The following GPR158 variants were observed in gnomAD, a reference collection of about 807,000 sequenced individuals.
The protein encoded by GPR158 is G protein-coupled receptor 158, also known as metabotropic glycine receptor.
A neutral mutation model predicts 78.2 loss-of-function variants in GPR158; 30 were observed. The observed-to-expected ratio is 0.38, with a 90% CI of 0.29 to 0.52. The LOEUF (loss-of-function observed/expected upper bound fraction) is 0.52, where lower values mean the gene tolerates loss of function less well. Among genes scored for constraint, GPR158 ranks in the 20% least tolerant of loss-of-function variants. The probability of loss-of-function intolerance (pLI) is 0.83; values close to 1 mark genes in which losing one functional copy is unlikely to be tolerated. For synonymous variants in GPR158, 581 were observed against 591.1 expected, an observed-to-expected ratio of 0.98 and a Z score of 0.25; for missense variants, 1,463 against 1,523.5, an observed-to-expected ratio of 0.96 and a Z score of 0.66.
At chr10:25,483,604 A>T (rs192493756) in intron 5 of GPR158, among the ~76,000 whole-genome samples, 1 of 152,200 alleles carries the variant, frequency 6.6e-6, no homozygotes, top group East Asian at 1.9e-4. Flanking sequence ...CTCACCCGAG[A>T]ATTTAAATTC....
intron 2 of GPR158, among the ~76,000 whole-genome samples, chr10:25,330,172 TGTA>T (rs1003366643): frequency 2.0e-5 from 3 of 152,182 alleles, no homozygotes; most frequent in Admixed American, 6.5e-5. Context: ...TCCTGACAGA[TGTA>T]GGATTGTGTA....
At chr10:25,237,777 C>T (rs1853543561) in intron 2 of GPR158, among the ~76,000 whole-genome samples, 1 of 152,174 alleles carries the variant, frequency 6.6e-6, no homozygotes, top group Non-Finnish European at 1.5e-5. Flanking sequence ...TCTCCACAAC[C>T]AAACCACTAA....
At chr10:25,581,455 A>G (rs993056247) in intron 7 of GPR158, among the ~76,000 whole-genome samples, 11 of 152,228 alleles carry the variant, frequency 7.2e-5, no homozygotes, top group African/African-American at 2.7e-4. Flanking sequence ...CATACTTCTG[A>G]AAGCACTTGC....
In GPR158 at chr10:25,175,600, C is replaced by T. The variant is rs1325988257; in HGVS notation, c.180C>T (p.Pro60=). ...CCTCTGCCTCGGACTCCTCGGCTCC[C>T]TGGAGCCGCTCCACCGATGGCACCA... ...GRASASDSSA[P]WSRSTDGTIL... Residue 60 remains proline (P), a synonymous_variant, in exon 1 of 11, where the codon CCC becomes CCT. Transcript: ENST00000376351. This position sits in a 1 kb window ranked among gnomAD's most constrained non-coding sequence, Gnocchi z 6.4. 6.2e-7 allele frequency: 1 copy of T among 1,610,752 alleles called. No individual in the cohort carries two copies. The highest frequency in any genetic ancestry group is 1.7e-5 in the Admixed American group (1 of 60,014).
chr10:25,332,241 T>C (rs528960345), intron 2 of GPR158, among the ~76,000 whole-genome samples: 4 of 152,320 alleles, frequency 2.6e-5, no homozygotes, highest in East Asian at 1.9e-4. Flanking sequence ...CCATTGTTAG[T>C]TGGCTAGATA....
chr10:25,339,060 C>T (rs1452790165), intron 2 of GPR158, among the ~76,000 whole-genome samples: 1 of 149,976 alleles, frequency 6.7e-6, no homozygotes, highest in East Asian at 2.0e-4. Flanking sequence ...CGCTCTGTTG[C>T]CCAGAAAGCC....
chr10:25,263,950 A>G (rs1171345624), intron 2 of GPR158, among the ~76,000 whole-genome samples: 1 of 152,098 alleles, frequency 6.6e-6, no homozygotes, highest in Non-Finnish European at 1.5e-5. Context: ...AAATGAAATA[A>G]ATTTCACCTT....
At position 25,418,023 on chromosome 10, in the gene GPR158, A is replaced by G. The variant is rs577458105; in HGVS notation, c.1335+5550A>G. 8.5e-5 allele frequency among the ~76,000 whole-genome samples: 13 copies of G among 152,282 alleles called. No individual in the cohort carries two copies. In the East Asian group the frequency reaches 2.3e-3, roughly 27 times the overall value. ...TATTAGAGTAGCTCTGTGAATTGAC[A>G]AATCCAAGATAGGAAAACCAATAAC... On this transcript the variant is annotated intron_variant, in intron 4 of 10. Transcript: ENST00000376351.
chr10:25,508,424 A>G (rs942308914), intron 5 of GPR158, among the ~76,000 whole-genome samples: 7 of 152,210 alleles, frequency 4.6e-5, no homozygotes, highest in African/African-American at 1.4e-4. Context: ...AGGCAAACCT[A>G]TATGTCACAT....
At chr10:25,569,762 G>T (rs1836980225) in intron 6 of GPR158, among the ~76,000 whole-genome samples, 1 of 152,010 alleles carries the variant, frequency 6.6e-6, no homozygotes, top group Non-Finnish European at 1.5e-5. Flanking sequence ...TGTTCTATTG[G>T]GTTAGTAGAT....
In GPR158 at chr10:25,594,414, AC is replaced by A; in HGVS notation, c.1998+18del. ...ATTCCAAAGGTATTCTTCTAATATTACTTTTTTTTTTGCAAAACTTATTTTT... is the reference window on the plus strand; with the variant it reads ...ATTCCAAAGGTATTCTTCTAATATTATTTTTTTTTTGCAAAACTTATTTTT... On this transcript the variant is annotated intron_variant, in intron 9 of 10. Transcript: ENST00000376351. 8.3e-7 allele frequency: 1 copy of A among 1,211,444 alleles called. No individual in the cohort carries two copies. Among genetic ancestry groups the A allele is most frequent in the Non-Finnish European group, 1.2e-6 (1 of 845,510 alleles). The allele number at this position is 1,211,444 out of a possible 1,614,324, so 75.0% of individuals were successfully genotyped here. A position where few individuals can be genotyped will look rare whatever the true frequency, so the allele number is the denominator to read the frequency against.
In GPR158 at chr10:25,398,047, C is replaced by T. The variant is rs186539288; in HGVS notation, c.1111+2034C>T. Reference sequence around the variant, plus strand: ...ATAGCCCATGAGAAAACAGGGACTTCGACTACTACAATTGCAGGGAAGTAA... The same window carrying T: ...ATAGCCCATGAGAAAACAGGGACTTTGACTACTACAATTGCAGGGAAGTAA... On this transcript the variant is annotated intron_variant, in intron 3 of 10. Coordinates refer to ENST00000376351, the MANE Select transcript of GPR158 (RefSeq NM_020752.3). 8.5e-5 allele frequency among the ~76,000 whole-genome samples: 13 copies of T among 152,194 alleles called. No homozygotes were observed. The East Asian group carries it at 2.3e-3, about 27-fold the overall frequency.
intron 2 of GPR158, among the ~76,000 whole-genome samples, chr10:25,365,147 T>C (rs1204278969): frequency 6.6e-6 from 1 of 151,804 alleles, no homozygotes; most frequent in East Asian, 1.9e-4. Context: ...CCTGTAAATC[T>C]TTCTGGAATA....
chr10:25,273,638 T>C (rs149505879), intron 2 of GPR158, among the ~76,000 whole-genome samples: 5 of 152,188 alleles, frequency 3.3e-5, no homozygotes, highest in African/African-American at 1.2e-4. Context: ...CACTCTACCT[T>C]TTCTATAACT....
intron 2 of GPR158, among the ~76,000 whole-genome samples, chr10:25,253,706 C>A (rs1428108081): frequency 6.6e-6 from 1 of 151,964 alleles, no homozygotes; most frequent in Non-Finnish European, 1.5e-5. Flanking sequence ...ATATATATAT[C>A]ACACTTTGAT....
rs188062425 is a variant in GPR158 at position 25,568,237 on chromosome 10, G to A, written c.1515-4412G>A. 2.0e-5 allele frequency among the ~76,000 whole-genome samples: 3 copies of A among 152,280 alleles called. No homozygotes were observed. In the East Asian group the frequency reaches 5.8e-4, roughly 29 times the overall value. ...GATCTGAACTGGAGATATAGAGGTG[G>A]GACTTGCTGGCATATAGATAACTGA... On this transcript the variant is annotated intron_variant, in intron 6 of 10. Transcript: ENST00000376351.
intron 5 of GPR158, among the ~76,000 whole-genome samples, chr10:25,488,809 T>G (rs1441740438): frequency 6.6e-6 from 1 of 152,098 alleles, no homozygotes; most frequent in African/African-American, 2.4e-5. Context: ...TTTCATATAT[T>G]GTTTTTTTCT....
At chr10:25,522,946 TA>T (rs368591678) in intron 5 of GPR158, among the ~76,000 whole-genome samples, 7 of 152,116 alleles carry the variant, frequency 4.6e-5, no homozygotes, top group Admixed American at 2.0e-4. Flanking sequence ...TTTTTAAACT[TA>T]AAAAAAGTAA....
rs756759445 is a variant in GPR158, at chr10:25,317,716, G to GTTTTTTTTTTTTTTTTTTTT, written c.1009-78186_1009-78185insTTTTTTTTTTTTTTTTTTTT. The stretch of plus-strand genomic sequence containing the variant: ...TTAAATTCTGTTTTCTTCGTAAAGT[G>GTTTTTTTTTTTTTTTTTTTT]TTTTTTTTTGTTTTGTTTTGTTTTG... On this transcript the variant is annotated intron_variant, in intron 2 of 10. Coordinates refer to ENST00000376351, the MANE Select transcript of GPR158 (RefSeq NM_020752.3). Among the ~76,000 whole-genome samples the GTTTTTTTTTTTTTTTTTTTT allele has an allele frequency of 3.3e-4, 44 of 134,058 alleles. 2 individuals carry two copies. Among genetic ancestry groups the GTTTTTTTTTTTTTTTTTTTT allele is most frequent in the South Asian group, 1.7e-3 (7 of 4,138 alleles). 87.9% of individuals were successfully genotyped at this position (134,058 alleles called of 152,430 possible).
Sources: allele counts gnomAD v4.1 joint callset (sites outside exome capture counted in the v4.1 genomes callset), GRCh38; gene constraint gnomAD v4.1.1; non-coding constraint Gnocchi (gnomAD v3.1); transcripts MANE v1.5; gene names NCBI Gene and HGNC (gene_info 2026-07-23, HGNC 2026-07-21).